The following LUZP2 variants were observed in gnomAD, a reference collection of about 807,000 sequenced individuals.
LUZP2 encodes the protein leucine zipper protein 2.
A neutral mutation model predicts 51.6 loss-of-function variants in LUZP2; 52 were observed. The ratio of observed to expected loss-of-function variants is 1.01; its 90% CI spans 0.81 to 1.27. LUZP2 has a LOEUF of 1.27. Among genes scored for constraint, LUZP2 ranks in the 50% most tolerant of loss-of-function variants. The pLI, the probability that LUZP2 is intolerant of heterozygous loss-of-function variation, is 0.00. For missense variants in LUZP2, 436 were observed against 395.4 expected, an observed-to-expected ratio of 1.10 and a Z score of -0.87; for synonymous variants, 154 against 137.3, an observed-to-expected ratio of 1.12 and a Z score of -0.85.
At chr11:24,688,657 C>G (rs1565077959) in intron 1 of LUZP2, among the ~76,000 whole-genome samples, 1 of 152,090 alleles carries the variant, frequency 6.6e-6, no homozygotes, top group Non-Finnish European at 1.5e-5. Flanking sequence ...CTTGCTGACA[C>G]TTTTACCACT....
At chr11:24,678,098 G>C (rs1028293878) in intron 1 of LUZP2, among the ~76,000 whole-genome samples, 44 of 147,996 alleles carry the variant, frequency 3.0e-4, no homozygotes, top group Admixed American at 2.9e-3. Context: ...TGATTACTAC[G>C]TAGCTATGTG....
At chr11:24,718,557 TG>T (rs1234001918) in intron 1 of LUZP2, among the ~76,000 whole-genome samples, 4 of 143,866 alleles carry the variant, frequency 2.8e-5, no homozygotes, top group Non-Finnish European at 6.3e-5. Flanking sequence ...ACAAAAGGTT[TG>T]GGGAATTTCT....
intron 5 of LUZP2, among the ~76,000 whole-genome samples, chr11:24,791,712 C>T (rs540424008): frequency 1.3e-5 from 2 of 151,878 alleles, no homozygotes; most frequent in Non-Finnish European, 2.9e-5. Flanking sequence ...AAATAACTTA[C>T]CAGTTATTTT....
At chr11:24,811,328 A>C (rs1448475798) in intron 5 of LUZP2, among the ~76,000 whole-genome samples, 1 of 152,220 alleles carries the variant, frequency 6.6e-6, no homozygotes, top group East Asian at 1.9e-4. Flanking sequence ...CTTTAAATTC[A>C]ACATGAATAC....
intron 5 of LUZP2, among the ~76,000 whole-genome samples, chr11:24,807,048 A>C (rs1023124409): frequency 7.1e-5 from 10 of 141,502 alleles, no homozygotes; most frequent in Admixed American, 6.5e-4. Flanking sequence ...AAAAAAGGAG[A>C]GATACGGTCT....
intron 9 of LUZP2, among the ~76,000 whole-genome samples, chr11:25,027,887 T>TAAAAA (rs1565249902): frequency 5.8e-5 from 4 of 68,494 alleles, no homozygotes; most frequent in African/African-American, 1.4e-4. Context: ...AAAAAAAAGG[T>TAAAAA]GTTTAGATTT....
chr11:24,873,701 A>T (rs1852156919), intron 5 of LUZP2, among the ~76,000 whole-genome samples: 1 of 152,168 alleles, frequency 6.6e-6, no homozygotes, highest in African/African-American at 2.4e-5. Context: ...GGAGACAATT[A>T]CAAGAAGATG....
chr11:24,745,383 A>T (rs1322466890), intron 4 of LUZP2, among the ~76,000 whole-genome samples: 1 of 152,032 alleles, frequency 6.6e-6, no homozygotes, highest in East Asian at 1.9e-4. Flanking sequence ...TAAATTTAGG[A>T]ACTCCAGTGT....
rs537796637 is a variant in LUZP2 at position 24,851,909 on chromosome 11, G to A, written c.397-54082G>A. 8.5e-5 allele frequency among the ~76,000 whole-genome samples: 13 copies of A among 152,244 alleles called. No individual in the cohort carries two copies. The South Asian group carries it at 1.0e-3, about 12-fold the overall frequency. On this transcript the variant is annotated intron_variant, in intron 5 of 11. Coordinates refer to ENST00000336930, the MANE Select transcript of LUZP2 (RefSeq NM_001009909.4). ...AGATTTTCTAGCTTATTTGCATAGC[G>A]GGGTTTATAGTATTCTCTGATGGTA...
intron 5 of LUZP2, among the ~76,000 whole-genome samples, chr11:24,803,673 T>G (rs1849762929): frequency 6.6e-6 from 1 of 152,092 alleles, no homozygotes; most frequent in Admixed American, 6.6e-5. Context: ...TTCTGACATA[T>G]GCCACGACAT....
intron 9 of LUZP2, among the ~76,000 whole-genome samples, chr11:25,025,470 C>G (rs1448265921): frequency 1.3e-5 from 2 of 152,092 alleles, no homozygotes; most frequent in African/African-American, 4.8e-5. Context: ...ACAACCCCAT[C>G]AACAATTGGG....
At chr11:24,616,660 G>A (rs1335381513) in intron 1 of LUZP2, among the ~76,000 whole-genome samples, 7 of 152,024 alleles carry the variant, frequency 4.6e-5, no homozygotes, top group Non-Finnish European at 8.8e-5. Flanking sequence ...TGCACAGATC[G>A]ATGTGTCTGT....
chr11:24,546,182 C>A (rs766988040), intron 1 of LUZP2, among the ~76,000 whole-genome samples: 18 of 151,924 alleles, frequency 1.2e-4, no homozygotes, highest in Non-Finnish European at 2.6e-4. Flanking sequence ...ACCTTTTGGG[C>A]CAAGACTATG....
At chr11:24,546,984 G>T (rs1347552916) in intron 1 of LUZP2, among the ~76,000 whole-genome samples, 3 of 146,702 alleles carry the variant, frequency 2.0e-5, no homozygotes, top group Admixed American at 6.9e-5. Context: ...GGTGGTGGTG[G>T]TGGTGGTGGT....
At chr11:24,741,706 T>A (rs1859149971) in intron 4 of LUZP2, among the ~76,000 whole-genome samples, 1 of 150,614 alleles carries the variant, frequency 6.6e-6, no homozygotes. Context: ...AGAATAATAG[T>A]CTCCAATCTC....
At chr11:24,656,282 G>A (rs1855800349) in intron 1 of LUZP2, among the ~76,000 whole-genome samples, 1 of 152,008 alleles carries the variant, frequency 6.6e-6, no homozygotes. Flanking sequence ...CTAGTGCTAT[G>A]TAATAAATTA....
At position 25,080,606 on chromosome 11, in the gene LUZP2, A is replaced by C. The variant is rs2134067364; in HGVS notation, c.*1948A>C. 6.6e-6 allele frequency: 1 copy of C among 152,282 alleles called. No homozygotes were observed. The highest frequency in any genetic ancestry group is 2.4e-5 in the African/African-American group (1 of 41,560). The allele number at this position is 152,282 out of a possible 1,614,324, so 9.4% of individuals were successfully genotyped here. On this transcript the variant is annotated 3_prime_UTR_variant, in exon 12 of 12. Transcript: ENST00000336930. ...TCATATTTCTAAAAATAATCATACA[A>C]ACTAGAATACTGCTAGTCTCCCAAG...
intron 5 of LUZP2, among the ~76,000 whole-genome samples, chr11:24,860,332 G>A (rs1851702524): frequency 6.6e-6 from 1 of 152,182 alleles, no homozygotes; most frequent in African/African-American, 2.4e-5. Context: ...GGTGGCTGCA[G>A]CCTCTGCAAA....
intron 5 of LUZP2, among the ~76,000 whole-genome samples, chr11:24,777,107 G>T (rs541280303): frequency 6.6e-6 from 1 of 150,874 alleles, no homozygotes; most frequent in South Asian, 2.1e-4. Flanking sequence ...CCATTCTCCT[G>T]CCTCAGCCTC....
Sources: gnomAD v4.1 joint callset for allele counts (sites outside exome capture counted in the v4.1 genomes callset) on GRCh38, gnomAD v4.1.1 for gene constraint, MANE v1.5 for transcripts, NCBI Gene and HGNC (gene_info 2026-07-23, HGNC 2026-07-21) for gene names.